TEX11: variants seen among roughly 807,000 people sequenced by gnomAD.
The protein encoded by TEX11 is testis-expressed protein 11.
TEX11 carries 7 observed loss-of-function variants against 84.4 expected under a neutral mutation model. The ratio of observed to expected loss-of-function variants is 0.08; its 90% CI spans 0.05 to 0.16. The LOEUF (loss-of-function observed/expected upper bound fraction) is 0.16, where lower values mean the gene tolerates loss of function less well. Ranked by LOEUF, TEX11 falls within the 10% of genes least tolerant of loss-of-function variation. The probability of loss-of-function intolerance (pLI) is 1.00; values close to 1 mark genes in which losing one functional copy is unlikely to be tolerated. For missense variants in TEX11, 551 were observed against 660.5 expected (o/e 0.83, Z 1.82); for synonymous variants, 264 against 222.8 (o/e 1.18, Z -1.64).
intron 25 of TEX11, among the ~76,000 whole-genome samples, chrX:70,582,998 G>A (rs929482483): frequency 9.1e-6 from 1 of 110,224 alleles, no homozygotes; most frequent in East Asian, 2.8e-4. Context: ...CACCCACCTC[G>A]GCCTTCCAAA....
chrX:70,532,713 A>G (rs935613677), intron 28 of TEX11, among the ~76,000 whole-genome samples: 68 of 101,541 alleles, frequency 6.7e-4, no homozygotes, highest in African/African-American at 2.2e-3. Context: ...CAGCCTGGGC[A>G]ACAAGAGTGA....
At chrX:70,875,648 G>A (rs750099465) in intron 3 of TEX11, among the ~76,000 whole-genome samples, 1 of 110,152 alleles carries the variant, frequency 9.1e-6, no homozygotes, top group East Asian at 2.8e-4. Flanking sequence ...TACTCGGGAG[G>A]CTGAGGCAGA....
chrX:70,679,485 G>A (rs1390174688), intron 14 of TEX11, among the ~76,000 whole-genome samples: 1 of 106,944 alleles, frequency 9.4e-6, no homozygotes, highest in African/African-American at 3.4e-5. Flanking sequence ...ATCCCATCTA[G>A]GAAGTGAGGA....
intron 20 of TEX11, among the ~76,000 whole-genome samples, chrX:70,620,075 C>T (rs956837330): frequency 8.1e-5 from 9 of 110,964 alleles, no homozygotes; most frequent in South Asian, 3.9e-4. Flanking sequence ...CCGCCCGCCT[C>T]GGCCTCCCAA....
At chrX:70,560,878 C>T (rs1473724514) in intron 25 of TEX11, among the ~76,000 whole-genome samples, 7 of 93,850 alleles carry the variant, frequency 7.5e-5, no homozygotes, top group Non-Finnish European at 1.4e-4. Flanking sequence ...ACCACAGGTG[C>T]ATGCCACCAC....
At chrX:70,513,754 T>TATG in the TEX11 span, among the ~76,000 whole-genome samples, 17 of 108,546 alleles carry the variant, frequency 1.6e-4, 1 homozygote, top group South Asian at 6.7e-3. Flanking sequence ...CAGAGTTCTC[T>TATG]ATGATAACTG....
chrX:70,847,884 C>A (rs925936415), intron 7 of TEX11, among the ~76,000 whole-genome samples: 1 of 112,077 alleles, frequency 8.9e-6, no homozygotes, highest in Non-Finnish European at 1.9e-5. Context: ...CACCTCCCAA[C>A]AACATGTAAA....
rs1405803033 is a variant in TEX11, at chrX:70,647,106, CATT to C, written c.1483+4341_1483+4343del. 2.7e-5 allele frequency among the ~76,000 whole-genome samples: 3 copies of C among 111,251 alleles called. No homozygotes were observed. In the Admixed American group the frequency reaches 2.9e-4, roughly 11 times the overall value. Reference sequence around the variant, plus strand: ...GAAAAAAAGGTATGAACCTCGAAGACATTATATTAAGTGAAATAAGCCAGGCAC... The same window carrying C: ...GAAAAAAAGGTATGAACCTCGAAGACATATTAAGTGAAATAAGCCAGGCAC... On this transcript the variant is annotated intron_variant, in intron 17 of 29. Coordinates refer to ENST00000374333, the MANE Select transcript of TEX11 (RefSeq NM_031276.3).
chrX:70,732,438 G>A (rs755647040), intron 11 of TEX11, among the ~76,000 whole-genome samples: 3 of 111,768 alleles, frequency 2.7e-5, no homozygotes, highest in South Asian at 3.8e-4. Flanking sequence ...AAGCTGATAA[G>A]CAACTTCAGC....
At chrX:70,763,975 G>A (rs992967148) in intron 9 of TEX11, among the ~76,000 whole-genome samples, 4 of 112,072 alleles carry the variant, frequency 3.6e-5, no homozygotes, top group Non-Finnish European at 7.5e-5. Flanking sequence ...TTGCACTATA[G>A]AACATATGGA....
chrX:70,900,522 A>T (rs1347161651), intron 2 of TEX11, among the ~76,000 whole-genome samples: 2 of 110,908 alleles, frequency 1.8e-5, no homozygotes, highest in Non-Finnish European at 3.8e-5. Flanking sequence ...AAAGAGGAAA[A>T]ACTCCGAACA....
chrX:70,545,180 G>A (rs1485772162), intron 28 of TEX11, among the ~76,000 whole-genome samples: 2 of 111,439 alleles, frequency 1.8e-5, no homozygotes, highest in African/African-American at 6.5e-5. Context: ...ACTCCAGCCT[G>A]GGTGACAGAG....
chrX:70,885,896 A>G (rs1475096471), intron 2 of TEX11, among the ~76,000 whole-genome samples: 2 of 108,747 alleles, frequency 1.8e-5, no homozygotes, highest in Non-Finnish European at 3.8e-5. Context: ...CACAAAAAAA[A>G]AAAAAAAAGA....
At chrX:70,714,713 T>C (rs1322395420) in intron 13 of TEX11, among the ~76,000 whole-genome samples, 1 of 111,689 alleles carries the variant, frequency 9.0e-6, no homozygotes, top group African/African-American at 3.3e-5. Flanking sequence ...GTTTCCTGAA[T>C]ACAGCACACT....
chrX:70,790,594 C>T (rs2091111941), intron 9 of TEX11, among the ~76,000 whole-genome samples: 2 of 112,252 alleles, frequency 1.8e-5, no homozygotes, highest in South Asian at 3.7e-4. Flanking sequence ...CAGTAAAACA[C>T]GACCCTGATG....
At chrX:70,606,811 T>C (rs1367419691) in intron 23 of TEX11, 148 bp downstream of exon 23, 2 of 330,957 alleles carry the variant, frequency 6.0e-6, no homozygotes, top group East Asian at 4.8e-5. Context: ...AAGGAACAAA[T>C]TCTTCTTAGG....
At chrX:70,898,262 G>T (rs1454511167) in intron 2 of TEX11, among the ~76,000 whole-genome samples, 1 of 111,955 alleles carries the variant, frequency 8.9e-6, no homozygotes, top group Non-Finnish European at 1.9e-5. Context: ...AATAAGTGCT[G>T]TGAGTGGAAG....
At chrX:70,907,617 C>T in intron 2 of TEX11, 136 bp downstream of exon 2, 1 of 459,979 alleles carries the variant, frequency 2.2e-6, no homozygotes, top group Non-Finnish European at 3.9e-6. Context: ...TGGTCTCGAG[C>T]CCCTGACCTC....
chrX:70,682,444 G>T (rs1452980045), intron 14 of TEX11, among the ~76,000 whole-genome samples: 1 of 111,572 alleles, frequency 9.0e-6, no homozygotes, highest in Non-Finnish European at 1.9e-5. Context: ...AAGCTCAGAA[G>T]TTTGTCTGTT....
Sources: gnomAD v4.1 joint callset for allele counts (sites outside exome capture counted in the v4.1 genomes callset) on GRCh38, gnomAD v4.1.1 for gene constraint, MANE v1.5 for transcripts, NCBI Gene and HGNC (gene_info 2026-07-23, HGNC 2026-07-21) for gene names.